COL18A1: variants seen among roughly 807,000 people sequenced by gnomAD.
COL18A1 encodes collagen alpha-1(XVIII) chain.
A neutral mutation model predicts 168.0 loss-of-function variants in COL18A1; 133 were observed. The observed-to-expected ratio is 0.79, with a 90% confidence interval of 0.69 to 0.91. COL18A1 has a LOEUF of 0.91. Among genes scored for constraint, COL18A1 ranks in the 40% least tolerant of loss-of-function variants. The pLI is 0.00. For missense variants in COL18A1, 2,126 were observed against 1,925.4 expected, an observed-to-expected ratio of 1.10 and a Z score of -1.95; for synonymous variants, 949 against 809.0, an observed-to-expected ratio of 1.17 and a Z score of -2.94.
In COL18A1 at chr21:45,481,956, C is replaced by A; in HGVS notation, c.1612-7C>A. 6.2e-7 allele frequency: 1 copy of A among 1,606,906 alleles called. No individual in the cohort carries two copies. Among genetic ancestry groups the A allele is most frequent in the Middle Eastern group, 1.7e-4 (1 of 6,052 alleles). ...ATCAAGACCCACTATGCTCTGCTCT[C>A]CCCCAGGGACCCCCAGGCCCTCCGG... is the stretch of plus-strand genomic sequence containing the variant. On this transcript the variant is annotated splice_polypyrimidine_tract_variant and splice_region_variant and intron_variant, in intron 13 of 41. Coordinates refer to ENST00000651438, the MANE Select transcript of COL18A1 (RefSeq NM_001379500.1).
intron 2 of COL18A1, among the ~76,000 whole-genome samples, chr21:45,434,087 T>TGTGTGAGCAGGTGCATGGGCCAGG (rs2034036227): frequency 6.6e-6 from 1 of 152,036 alleles, no homozygotes; most frequent in African/African-American, 2.4e-5. Context: ...ATGGGCCAGG[T>TGTGTGAGCAGGTGCATGGGCCAGG]GTGTGAGCAG....
At chr21:45,484,340 CAT>C (rs1315204965) in intron 15 of COL18A1, among the ~76,000 whole-genome samples, 12 of 147,774 alleles carry the variant, frequency 8.1e-5, no homozygotes, top group Non-Finnish European at 1.8e-4. Context: ...TGCACACACA[CAT>C]CTCCAGCATA....
intron 19 of COL18A1, 58 bp downstream of exon 19, chr21:45,489,579 C>G (rs899943911): frequency 4.2e-5 from 49 of 1,176,196 alleles, no homozygotes; most frequent in Non-Finnish European, 5.6e-5. Flanking sequence ...AGGGCCCAGC[C>G]GGACACCTGC....
rs2034871785 is a variant in COL18A1 at position 45,457,363 on chromosome 21, G to A, written c.107-10879G>A. On this transcript the variant is annotated intron_variant, in intron 2 of 41. Coordinates refer to ENST00000651438, the MANE Select transcript of COL18A1 (RefSeq NM_001379500.1). This position sits in a 1 kb window ranked among gnomAD's most constrained non-coding sequence, Gnocchi z 4.6. Reference sequence around the variant, plus strand: ...GGCCAAGGGTGCTGCCGCGTGGGCAGTGCAGAGACCCTACCAGCGTGGGGA... The same window carrying A: ...GGCCAAGGGTGCTGCCGCGTGGGCAATGCAGAGACCCTACCAGCGTGGGGA... Among the ~76,000 whole-genome samples, 1 of 152,218 alleles carries A rather than the reference G, an allele frequency of 6.6e-6. No homozygotes were observed. The highest frequency in any genetic ancestry group is 2.4e-5 in the African/African-American group (1 of 41,462).
At chr21:45,486,046 G>GCCTC (rs887081164) in intron 15 of COL18A1, among the ~76,000 whole-genome samples, 11 of 152,218 alleles carry the variant, frequency 7.2e-5, no homozygotes, top group African/African-American at 2.7e-4. Context: ...CTGCCTCAGG[G>GCCTC]CCTCCCTCCC....
At position 45,425,278 on chromosome 21, in the gene COL18A1, C is replaced by CGT. The variant is rs138834749; in HGVS notation, c.106+19819_106+19820dup. Reference sequence around the variant, plus strand: ...CGGACACGCCTGTTGGAGCCCCGGCCGTGTGTGTGTGTGTGCTGTGAGTGC... The same window carrying CGT: ...CGGACACGCCTGTTGGAGCCCCGGCCGTGTGTGTGTGTGTGTGCTGTGAGTGC... On this transcript the variant is annotated intron_variant, in intron 2 of 41. Coordinates refer to ENST00000651438, the MANE Select transcript of COL18A1 (RefSeq NM_001379500.1). This position sits in a 1 kb window ranked among gnomAD's most constrained non-coding sequence, Gnocchi z 4.1. 6.1e-4 allele frequency among the ~76,000 whole-genome samples: 93 copies of CGT among 151,876 alleles called. No homozygotes were observed. Among genetic ancestry groups the CGT allele is most frequent in the African/African-American group, 2.1e-3 (85 of 41,458 alleles).
At chr21:45,437,347 C>A (rs2034159132) in intron 2 of COL18A1, among the ~76,000 whole-genome samples, 2 of 101,574 alleles carry the variant, frequency 2.0e-5, no homozygotes, top group Non-Finnish European at 3.8e-5. Context: ...GACACACAGG[C>A]ACTCTCCTGC....
chr21:45,504,381 C>T, intron 33 of COL18A1, 35 bp from the exon 34 acceptor site: 1 of 1,601,570 alleles, frequency 6.2e-7, no homozygotes. Flanking sequence ...TGTAGGGGTT[C>T]AGGGCTCCCG....
chr21:45,465,880 G>A (rs781239904), intron 2 of COL18A1, among the ~76,000 whole-genome samples: 2 of 152,212 alleles, frequency 1.3e-5, no homozygotes, highest in African/African-American at 2.4e-5. Context: ...CACGGTGGCC[G>A]TGAGGGATGC....
chr21:45,495,131 C>T, intron 28 of COL18A1: 1 of 640,014 alleles, frequency 1.6e-6, no homozygotes, highest in Non-Finnish European at 2.8e-6. Context: ...GCCCTGGAGG[C>T]AGACAGGGCA....
rs868162037 is a variant in COL18A1, at chr21:45,497,650, C to A, written c.2672C>A (p.Pro891His). Reference protein sequence around the residue: ...PKGAKGEVGPPGPPGQFPFDF... With the variant: ...PKGAKGEVGPHGPPGQFPFDF... ...GGCGCCAAAGGAGAAGTGGGCCCCC[C>A]CGGACCACCAGGTGAGCAACTCTGG... The change falls in exon 32 of 42, where the codon CCC (proline) becomes CAC (histidine). Residue 891 changes from proline to histidine, a missense_variant. Coordinates refer to ENST00000651438, the MANE Select transcript of COL18A1 (RefSeq NM_001379500.1). 1 of 1,567,920 alleles carries A rather than the reference C, an allele frequency of 6.4e-7. No individual in the cohort carries two copies. The highest frequency in any genetic ancestry group is 2.4e-5 in the East Asian group (1 of 42,180).
At chr21:45,430,300 A>G (rs1301041465) in intron 2 of COL18A1, among the ~76,000 whole-genome samples, 1 of 152,196 alleles carries the variant, frequency 6.6e-6, no homozygotes, top group Non-Finnish European at 1.5e-5. Context: ...GAGCGTGTGG[A>G]ACTCTGTGGT....
At chr21:45,444,625 G>T (rs1169056019) in intron 2 of COL18A1, among the ~76,000 whole-genome samples, 2 of 152,090 alleles carry the variant, frequency 1.3e-5, no homozygotes, top group African/African-American at 4.8e-5. Flanking sequence ...TGAGAGCCTG[G>T]GTCGTGCAGG....
chr21:45,423,233 A>T lies in COL18A1; in HGVS notation c.106+17760A>T, dbSNP rs1381823800. 6.6e-6 allele frequency among the ~76,000 whole-genome samples: 1 copy of T among 152,126 alleles called. No individual in the cohort carries two copies. Among genetic ancestry groups the T allele is most frequent in the African/African-American group, 2.4e-5 (1 of 41,424 alleles). On this transcript the variant is annotated intron_variant, in intron 2 of 41. Coordinates refer to ENST00000651438, the MANE Select transcript of COL18A1 (RefSeq NM_001379500.1). This position sits in a 1 kb window ranked among gnomAD's most constrained non-coding sequence, Gnocchi z 4.0. ...AAACCATGGCTTATGTTCCATGGTGACATGGTTCTTGAGGGTTAGCTGGTC... is the reference window on the plus strand; with the variant it reads ...AAACCATGGCTTATGTTCCATGGTGTCATGGTTCTTGAGGGTTAGCTGGTC...
intron 33 of COL18A1, 173 bp downstream of exon 33, chr21:45,504,227 C>A: frequency 1.1e-6 from 1 of 928,478 alleles, no homozygotes; most frequent in Non-Finnish European, 1.7e-6. Context: ...CTGTCCCCGG[C>A]TCAGTTTTTG....
intron 2 of COL18A1, among the ~76,000 whole-genome samples, chr21:45,426,707 G>C (rs751164522): frequency 6.6e-6 from 1 of 152,248 alleles, no homozygotes. Flanking sequence ...CCCTCTGCAC[G>C]TGCTGCTGAT....
intron 2 of COL18A1, among the ~76,000 whole-genome samples, chr21:45,413,937 G>A (rs564336218): frequency 1.3e-5 from 2 of 152,242 alleles, no homozygotes; most frequent in African/African-American, 4.8e-5. Flanking sequence ...ATGGAGCTGG[G>A]AGGCGTCTTC....
At chr21:45,499,261 C>T (rs1189710515) in intron 32 of COL18A1, among the ~76,000 whole-genome samples, 8 of 148,762 alleles carry the variant, frequency 5.4e-5, no homozygotes, top group East Asian at 2.0e-4. Flanking sequence ...GCTGTGTCGG[C>T]AGTGGAGGGT....
At chr21:45,462,703 T>C (rs1219324285) in intron 2 of COL18A1, among the ~76,000 whole-genome samples, 1 of 152,222 alleles carries the variant, frequency 6.6e-6, no homozygotes, top group East Asian at 1.9e-4. Context: ...AAGACAGTCA[T>C]TTTAAAGTCT....
Sources: gnomAD v4.1 joint callset for allele counts (sites outside exome capture counted in the v4.1 genomes callset) on GRCh38, gnomAD v4.1.1 for gene constraint, Gnocchi (gnomAD v3.1) non-coding constraint, MANE v1.5 for transcripts, NCBI Gene and HGNC (gene_info 2026-07-23, HGNC 2026-07-21) for gene names.